The following IQCM variants were observed in gnomAD, a reference collection of about 807,000 sequenced individuals.
The protein encoded by IQCM is IQ motif containing M, also known as IQ domain-containing protein M.
In IQCM, 45 loss-of-function variants were observed where a neutral mutation model predicts 57.6. That is an observed-to-expected ratio of 0.78 (90% CI 0.62 to 1.00). The LOEUF is 1.00. IQCM is among the 50% of genes least tolerant of loss of function. IQCM has a pLI of 0.00. For synonymous variants in IQCM, 148 were observed against 158.9 expected (o/e 0.93, Z 0.51); for missense variants, 468 against 511.6 (o/e 0.91, Z 0.82).
At chr4:149,541,283 G>A (rs1034574217) in intron 12 of IQCM, among the ~76,000 whole-genome samples, 4 of 152,056 alleles carry the variant, frequency 2.6e-5, no homozygotes, top group African/African-American at 9.7e-5. Flanking sequence ...AATATCTCAG[G>A]TTATAATTTG....
At chr4:149,497,577 A>T (rs2149786760) in intron 12 of IQCM, among the ~76,000 whole-genome samples, 1 of 152,206 alleles carries the variant, frequency 6.6e-6, no homozygotes, top group South Asian at 2.1e-4. Context: ...TATTATGAGA[A>T]CAGCACTGGA....
chr4:149,439,683 A>G (rs1735715952), intron 12 of IQCM, among the ~76,000 whole-genome samples: 1 of 152,106 alleles, frequency 6.6e-6, no homozygotes, highest in Non-Finnish European at 1.5e-5. Flanking sequence ...TTTATCTCTC[A>G]GTCTCAACAT....
chr4:149,620,260 C>T (rs140131411), intron 8 of IQCM, among the ~76,000 whole-genome samples: 179 of 152,222 alleles, frequency 1.2e-3, no homozygotes, highest in African/African-American at 3.8e-3. Flanking sequence ...GAGAAACCAA[C>T]GCTGCCAGCA....
At chr4:149,528,800 G>GACAGTGTA (rs1746438968) in intron 12 of IQCM, among the ~76,000 whole-genome samples, 1 of 152,050 alleles carries the variant, frequency 6.6e-6, no homozygotes, top group East Asian at 1.9e-4. Flanking sequence ...TAACTTGACA[G>GACAGTGTA]ACAGTGTACC....
intron 7 of IQCM, among the ~76,000 whole-genome samples, chr4:149,639,694 G>A (rs1286773641): frequency 6.6e-6 from 1 of 152,074 alleles, no homozygotes; most frequent in Non-Finnish European, 1.5e-5. Flanking sequence ...GCTGAGGTGG[G>A]TAGAACACTT....
chr4:149,622,926 G>A (rs1415204824), intron 7 of IQCM, among the ~76,000 whole-genome samples: 2 of 152,082 alleles, frequency 1.3e-5, no homozygotes, highest in Non-Finnish European at 2.9e-5. Context: ...ACTGTTCCAA[G>A]GCAAGGACTA....
intron 2 of IQCM, among the ~76,000 whole-genome samples, chr4:149,743,781 A>T (rs1767679291): frequency 1.3e-5 from 2 of 152,188 alleles, no homozygotes; most frequent in Admixed American, 1.3e-4. Flanking sequence ...TCTACATTTG[A>T]CATTATCATT....
At chr4:149,767,050 T>C (rs1346044590) in intron 2 of IQCM, among the ~76,000 whole-genome samples, 1 of 152,082 alleles carries the variant, frequency 6.6e-6, no homozygotes, top group African/African-American at 2.4e-5. Flanking sequence ...AAAAGGATCA[T>C]ATTTTATAAA....
intron 13 of IQCM, among the ~76,000 whole-genome samples, chr4:149,355,697 T>C (rs1050736949): frequency 2.0e-5 from 3 of 152,180 alleles, no homozygotes; most frequent in Non-Finnish European, 4.4e-5. Flanking sequence ...AGTGTCGCAA[T>C]AAACATATGT....
chr4:149,753,190 C>T (rs1472171441), intron 2 of IQCM, among the ~76,000 whole-genome samples: 2 of 151,884 alleles, frequency 1.3e-5, no homozygotes, highest in African/African-American at 2.4e-5. Flanking sequence ...CTAGGAAAGA[C>T]AGCCAATAAG....
chr4:149,493,871 A>C (rs1356238156), intron 12 of IQCM, among the ~76,000 whole-genome samples: 1 of 114,892 alleles, frequency 8.7e-6, no homozygotes, highest in Non-Finnish European at 1.8e-5. Context: ...CAGGGAAAGG[A>C]ATCTGGAAAT....
chr4:149,575,336 C>T (rs1295012132), intron 9 of IQCM, among the ~76,000 whole-genome samples: 1 of 151,818 alleles, frequency 6.6e-6, no homozygotes, highest in African/African-American at 2.4e-5. Flanking sequence ...TGAAATTCAT[C>T]TTTTGTCTCA....
chr4:149,462,455 G>T (rs1175927524), intron 12 of IQCM, among the ~76,000 whole-genome samples: 2 of 152,180 alleles, frequency 1.3e-5, no homozygotes, highest in African/African-American at 4.8e-5. Context: ...AGGAGGTAGA[G>T]GATGGAGTGT....
At chr4:149,765,487 G>A (rs541455602) in intron 2 of IQCM, among the ~76,000 whole-genome samples, 1 of 152,196 alleles carries the variant, frequency 6.6e-6, no homozygotes, top group Admixed American at 6.5e-5. Context: ...CCTGGGTGGA[G>A]GTCAAGCTAA....
At chr4:149,498,410 A>T (rs887402661) in intron 12 of IQCM, among the ~76,000 whole-genome samples, 1 of 152,114 alleles carries the variant, frequency 6.6e-6, no homozygotes, top group East Asian at 1.9e-4. Flanking sequence ...TGTGACAAGG[A>T]TTTTATCTTC....
chr4:149,804,935 G>A (rs529283133), intron 2 of IQCM, among the ~76,000 whole-genome samples: 2 of 152,026 alleles, frequency 1.3e-5, no homozygotes, highest in Non-Finnish European at 2.9e-5. Context: ...TGAAGTGCAC[G>A]AAGTAGGATG....
At chr4:149,729,942 T>A (rs1008438953) in intron 5 of IQCM, among the ~76,000 whole-genome samples, 1 of 152,150 alleles carries the variant, frequency 6.6e-6, no homozygotes, top group African/African-American at 2.4e-5. Flanking sequence ...GCCAGGACTT[T>A]TCTCAGTTTA....
intron 5 of IQCM, among the ~76,000 whole-genome samples, chr4:149,729,015 T>A (rs1427317909): frequency 6.6e-6 from 1 of 152,192 alleles, no homozygotes; most frequent in Non-Finnish European, 1.5e-5. Context: ...AGAGCAGGTA[T>A]AGGATAACCT....
At chr4:149,452,972 G>A (rs745440874) in intron 12 of IQCM, among the ~76,000 whole-genome samples, 6 of 150,352 alleles carry the variant, frequency 4.0e-5, no homozygotes, top group South Asian at 2.1e-4. Flanking sequence ...ATATACCCAC[G>A]TAACAAACTT....
Sources: allele counts gnomAD v4.1 joint callset (sites outside exome capture counted in the v4.1 genomes callset), GRCh38; gene constraint gnomAD v4.1.1; transcripts MANE v1.5; gene names NCBI Gene and HGNC (gene_info 2026-07-23, HGNC 2026-07-21).